The following UFD1 variants were observed in gnomAD, a reference collection of about 807,000 sequenced individuals.
The protein encoded by UFD1 is ubiquitin recognition factor in ER associated degradation 1.
A neutral mutation model predicts 45.9 loss-of-function variants in UFD1; 13 were observed. That is an observed-to-expected ratio of 0.28 (90% CI 0.18 to 0.45). The LOEUF is 0.45. Ranked by LOEUF, UFD1 falls within the 20% of genes least tolerant of loss-of-function variation. The pLI, the probability that UFD1 is intolerant of heterozygous loss-of-function variation, is 1.00. For synonymous variants in UFD1, 128 were observed against 139.2 expected, an observed-to-expected ratio of 0.92 and a Z score of 0.56; for missense variants, 218 against 389.2, an observed-to-expected ratio of 0.56 and a Z score of 3.70.
chr22:19,474,086 G>A (rs1456943199), intron 3 of UFD1, among the ~76,000 whole-genome samples: 1 of 152,194 alleles, frequency 6.6e-6, no homozygotes, highest in Non-Finnish European at 1.5e-5. Context: ...ATGGGATAAG[G>A]GGTCAGAGAA....
rs990582009 is a variant in UFD1 at position 19,449,950 on chromosome 22, G to A, written c.*720C>T. On this transcript the variant is annotated 3_prime_UTR_variant, in exon 12 of 12. Transcript: ENST00000263202. ...TTAATAAATTAAAATTGGGAGTTGG[G>A]GAGTAGGGAAGAAGGAGAGGAACAT... 2 of 152,186 alleles carry A rather than the reference G, an allele frequency of 1.3e-5. No individual in the cohort carries two copies. Among genetic ancestry groups the A allele is most frequent in the Non-Finnish European group, 2.9e-5 (2 of 68,034 alleles). The allele number at this position is 152,186 out of a possible 1,614,324, so 9.4% of individuals were successfully genotyped here. A position where few individuals can be genotyped will look rare whatever the true frequency, so the allele number is the denominator to read the frequency against.
Position 19,465,284 on chromosome 22 carries a change from C to T in UFD1, c.423-10G>A. 6.2e-7 allele frequency: 1 copy of T among 1,613,806 alleles called. No homozygotes were observed. The highest frequency in any genetic ancestry group is 8.5e-7 in the Non-Finnish European group (1 of 1,179,708). ...AAGTGCGTTTTCTAATCTGCAGACA[C>T]ATTCTGTCAAGGCAACATGGCAAGA... On this transcript the variant is annotated splice_polypyrimidine_tract_variant and intron_variant, in intron 5 of 11. Transcript: ENST00000263202.
At chr22:19,470,447 G>GTT (rs58791056) in intron 4 of UFD1, among the ~76,000 whole-genome samples, 100 of 147,158 alleles carry the variant, frequency 6.8e-4, no homozygotes, top group Non-Finnish European at 9.7e-4. Context: ...TATTATTGTT[G>GTT]TTTTTTTTTT....
chr22:19,456,578 G>T lies in UFD1; in HGVS notation c.678+9C>A. 6.2e-7 allele frequency: 1 copy of T among 1,614,140 alleles called. No homozygotes were observed. The highest frequency in any genetic ancestry group is 1.1e-5 in the South Asian group (1 of 91,076). On this transcript the variant is annotated intron_variant, in intron 9 of 11. Coordinates refer to ENST00000263202, the MANE Select transcript of UFD1 (RefSeq NM_005659.7). ...CACAGCAATATAAGTCAAGTGGTCT[G>T]GTACTCACGCGGAAGCCCAGCTCTC...
At chr22:19,465,114 C>T (rs978388245) in intron 6 of UFD1, 88 bp downstream of exon 6, 39 of 1,266,222 alleles carry the variant, frequency 3.1e-5, no homozygotes, top group African/African-American at 1.0e-4. Flanking sequence ...TCCAGGCATA[C>T]GCTGCTTAAA....
At position 19,479,180 on chromosome 22, in the gene UFD1, C is replaced by A; in HGVS notation, c.-95G>T. ...CCAGCCGCCGCTGCCGCTGCCGCCG[C>A]GCCAAGCCGGTACGCCCCAGAGGCT... On this transcript the variant is annotated 5_prime_UTR_variant, in exon 1 of 12. Transcript: ENST00000263202. 6.3e-7 allele frequency: 1 copy of A among 1,576,072 alleles called. No individual in the cohort carries two copies. Among genetic ancestry groups the A allele is most frequent in the Non-Finnish European group, 8.6e-7 (1 of 1,162,268 alleles).
At chr22:19,474,929 GCGC>G in intron 3 of UFD1, 136 bp downstream of exon 3, 1 of 812,552 alleles carries the variant, frequency 1.2e-6, no homozygotes, top group East Asian at 2.8e-5. Flanking sequence ...TCCCAGCCCA[GCGC>G]ATGCCCTCCA....
rs924743035 is a variant in UFD1 at position 19,450,385 on chromosome 22, A to G, written c.*285T>C. On this transcript the variant is annotated 3_prime_UTR_variant, in exon 12 of 12. Transcript: ENST00000263202. Reference sequence around the variant, plus strand: ...TAGGGATGCAGAATTGCTCCTGCTGAGGCAGTGGGAGCTCCCCTCAAGCTG... The same window carrying G: ...TAGGGATGCAGAATTGCTCCTGCTGGGGCAGTGGGAGCTCCCCTCAAGCTG... 2.4e-5 allele frequency: 9 copies of G among 379,826 alleles called. No homozygotes were observed. Among genetic ancestry groups the G allele is most frequent in the African/African-American group, 4.1e-5 (2 of 49,340 alleles). 23.5% of individuals were successfully genotyped at this position (379,826 alleles called of 1,614,324 possible). A position where few individuals can be genotyped will look rare whatever the true frequency, so the allele number is the denominator to read the frequency against.
At position 19,455,688 on chromosome 22, in the gene UFD1, A is replaced by G; in HGVS notation, c.759T>C (p.Asp253=). ...AGCCAGGACAGACCTACCTTTTAAT[A>G]TCTCCAGGCTTGATTGGGGAGGGGC... The part of the protein sequence containing the change: ...EPSPSPIKPG[D]IKRGIPNYEF... The change falls in exon 10 of 12, where the codon GAT becomes GAC. Residue 253 remains aspartate (D), a synonymous_variant. Transcript: ENST00000263202. 6.2e-7 allele frequency: 1 copy of G among 1,613,810 alleles called. No homozygotes were observed. The highest frequency in any genetic ancestry group is 8.5e-7 in the Non-Finnish European group (1 of 1,179,812).
rs796173167 is a variant in UFD1 at position 19,451,387 on chromosome 22, C to T, written c.850-643G>A. On this transcript the variant is annotated intron_variant, in intron 11 of 11. Transcript: ENST00000263202. ...CACACAACTCTGATTTTTTTTAGAG[C>T]TCAAATTCCTGGGTCAAAGTGTGTA... 11 of 985,300 alleles carry T rather than the reference C, an allele frequency of 1.1e-5. No homozygotes were observed. The African/African-American group carries it at 1.9e-4, about 17-fold the overall frequency. The allele number at this position is 985,300 out of a possible 1,614,324, so 61.0% of individuals were successfully genotyped here. A position where few individuals can be genotyped will look rare whatever the true frequency, so the allele number is the denominator to read the frequency against.
At chr22:19,453,240 A>T in intron 11 of UFD1, 1 of 985,438 alleles carries the variant, frequency 1.0e-6, no homozygotes, top group African/African-American at 1.7e-5. Context: ...TCTACACAGA[A>T]CTGCTTCTAG....
intron 4 of UFD1, 28 bp from the exon 5 acceptor site, chr22:19,468,031 C>T (rs1317444860): frequency 1.2e-6 from 2 of 1,612,504 alleles, no homozygotes; most frequent in Non-Finnish European, 1.7e-6. Flanking sequence ...CTACATGAGA[C>T]TCCTAGAGAT....
intron 6 of UFD1, among the ~76,000 whole-genome samples, chr22:19,458,499 A>C (rs1261703788): frequency 6.6e-6 from 1 of 152,198 alleles, no homozygotes; most frequent in East Asian, 1.9e-4. Flanking sequence ...GCTGGAGTGC[A>C]GTGGTGCGAT....
chr22:19,470,800 G>A (rs772588805), intron 4 of UFD1: 27 of 470,008 alleles, frequency 5.7e-5, no homozygotes, highest in Admixed American at 4.6e-4. Flanking sequence ...CCTTCTGAAC[G>A]TCTGGCGGCC....
At chr22:19,475,661 G>A (rs2089876288) in intron 1 of UFD1, 59 bp from the exon 2 acceptor site, 1 of 1,583,034 alleles carries the variant, frequency 6.3e-7, no homozygotes, top group South Asian at 1.1e-5. Flanking sequence ...CATGTCAAAA[G>A]CCAAAACATG....
chr22:19,475,754 G>T, intron 1 of UFD1, 152 bp from the exon 2 acceptor site: 1 of 1,021,094 alleles, frequency 9.8e-7, no homozygotes, highest in Non-Finnish European at 1.4e-6. Flanking sequence ...ATACAAAACA[G>T]GCCATGCCAA....
intron 11 of UFD1, chr22:19,453,105 C>A: frequency 1.0e-6 from 1 of 985,422 alleles, no homozygotes; most frequent in Non-Finnish European, 1.2e-6. Context: ...GTCTAGAGAC[C>A]TACTGGAGTC....
chr22:19,476,894 C>G (rs900133006), intron 1 of UFD1, among the ~76,000 whole-genome samples: 11 of 150,426 alleles, frequency 7.3e-5, no homozygotes, highest in Non-Finnish European at 1.3e-4. Flanking sequence ...GTAATCCCAG[C>G]TACTCAGGAG....
At chr22:19,475,252 T>C (rs1446111267) in intron 2 of UFD1, 152 bp from the exon 3 acceptor site, 7 of 1,095,574 alleles carry the variant, frequency 6.4e-6, no homozygotes, top group Non-Finnish European at 9.0e-6. Context: ...GAATCTTACT[T>C]GATGTAATTT....
Sources: gnomAD v4.1 joint callset for allele counts (sites outside exome capture counted in the v4.1 genomes callset) on GRCh38, gnomAD v4.1.1 for gene constraint, MANE v1.5 for transcripts, NCBI Gene and HGNC (gene_info 2026-07-23, HGNC 2026-07-21) for gene names.